Variants in LRFN5 observed in about 807,000 individuals in gnomAD.
The protein encoded by LRFN5 is leucine rich repeat and fibronectin type III domain containing 5.
In LRFN5, 24 loss-of-function variants were observed where a neutral mutation model predicts 45.6. The observed-to-expected ratio is 0.53, with a 90% CI of 0.38 to 0.74. The LOEUF (loss-of-function observed/expected upper bound fraction) is 0.74, where lower values mean the gene tolerates loss of function less well. Among genes scored for constraint, LRFN5 ranks in the 30% least tolerant of loss-of-function variants. The pLI is 0.00. For synonymous variants in LRFN5, 340 were observed against 313.8 expected (o/e 1.08, Z -0.88); for missense variants, 776 against 861.5 (o/e 0.90, Z 1.24).
intron 2 of LRFN5, among the ~76,000 whole-genome samples, chr14:41,802,224 G>A (rs545134514): frequency 1.8e-4 from 28 of 152,252 alleles, no homozygotes; most frequent in African/African-American, 6.7e-4. Context: ...CCTAAGTATA[G>A]ATGTGGGCTC....
At chr14:41,726,514 G>A (rs1239746141) in intron 1 of LRFN5, among the ~76,000 whole-genome samples, 2 of 151,962 alleles carry the variant, frequency 1.3e-5, no homozygotes, top group Non-Finnish European at 2.9e-5. Flanking sequence ...ATTTTCATAG[G>A]GGCATTATGA....
intron 1 of LRFN5, among the ~76,000 whole-genome samples, chr14:41,721,872 C>T (rs945223115): frequency 6.6e-6 from 1 of 152,032 alleles, no homozygotes; most frequent in African/African-American, 2.4e-5. Flanking sequence ...TACAGTATCT[C>T]ACAGTTCTTC....
At chr14:41,832,067 C>G (rs1412664008) in intron 2 of LRFN5, among the ~76,000 whole-genome samples, 1 of 152,236 alleles carries the variant, frequency 6.6e-6, no homozygotes. Flanking sequence ...ATTACCTCTC[C>G]AAACCCCATC....
intron 1 of LRFN5, among the ~76,000 whole-genome samples, chr14:41,705,146 G>A (rs1159783974): frequency 6.6e-6 from 1 of 151,704 alleles, no homozygotes; most frequent in East Asian, 1.9e-4. Context: ...TAATATAATT[G>A]CAAATGAGCC....
chr14:41,728,535 G>C (rs919410341), intron 1 of LRFN5, among the ~76,000 whole-genome samples: 1 of 152,130 alleles, frequency 6.6e-6, no homozygotes, highest in Admixed American at 6.6e-5. Flanking sequence ...TAAAACAAGA[G>C]TGAAAGATAC....
intron 1 of LRFN5, among the ~76,000 whole-genome samples, chr14:41,627,657 C>T (rs1202114021): frequency 1.1e-4 from 17 of 152,114 alleles, no homozygotes; most frequent in Admixed American, 1.1e-3. Context: ...ATAAAGGAAT[C>T]GACAACATGG....
chr14:41,829,541 C>G (rs1158651233), intron 2 of LRFN5, among the ~76,000 whole-genome samples: 1 of 151,628 alleles, frequency 6.6e-6, no homozygotes, highest in Non-Finnish European at 1.5e-5. Flanking sequence ...CCATATTATC[C>G]AGGTCTATTA....
chr14:41,823,661 G>T (rs1888202202), intron 2 of LRFN5, among the ~76,000 whole-genome samples: 1 of 152,122 alleles, frequency 6.6e-6, no homozygotes, highest in African/African-American at 2.4e-5. Flanking sequence ...GTAGGTTTTT[G>T]AGTTTCTTGT....
intron 1 of LRFN5, among the ~76,000 whole-genome samples, chr14:41,680,419 CAG>C (rs2138683802): frequency 6.6e-6 from 1 of 152,284 alleles, no homozygotes; most frequent in African/African-American, 2.4e-5. Flanking sequence ...TTGAGACACA[CAG>C]AGAGAATGTG....
At chr14:41,874,757 G>C (rs1332733059) in intron 2 of LRFN5, among the ~76,000 whole-genome samples, 1 of 152,076 alleles carries the variant, frequency 6.6e-6, no homozygotes, top group Non-Finnish European at 1.5e-5. Context: ...CCCAAGATTG[G>C]GTAATTTATA....
chr14:41,775,652 G>A (rs1424841820), intron 2 of LRFN5, among the ~76,000 whole-genome samples: 1 of 152,012 alleles, frequency 6.6e-6, no homozygotes, highest in East Asian at 1.9e-4. Context: ...AATACCTACT[G>A]CAGTAATGAT....
At chr14:41,694,885 G>A (rs1010681897) in intron 1 of LRFN5, among the ~76,000 whole-genome samples, 5 of 151,834 alleles carry the variant, frequency 3.3e-5, no homozygotes, top group Non-Finnish European at 7.4e-5. Context: ...GTGTTTGAAC[G>A]AGAGAAAAGT....
intron 2 of LRFN5, among the ~76,000 whole-genome samples, chr14:41,862,402 A>AG (rs1889695988): frequency 4.6e-5 from 7 of 152,180 alleles, no homozygotes; most frequent in South Asian, 4.1e-4. Context: ...TGTATATTAA[A>AG]GGGGGGTTAA....
At chr14:41,678,528 A>G (rs753241552) in intron 1 of LRFN5, among the ~76,000 whole-genome samples, 8 of 152,116 alleles carry the variant, frequency 5.3e-5, no homozygotes, top group Non-Finnish European at 8.8e-5. Context: ...GAATGATATC[A>G]TTTGCCCACT....
chr14:41,697,369 A>T (rs979414931), intron 1 of LRFN5, among the ~76,000 whole-genome samples: 2 of 151,860 alleles, frequency 1.3e-5, no homozygotes, highest in Admixed American at 6.6e-5. Context: ...ATAATCTTTT[A>T]AAAATTATTC....
chr14:41,876,543 G>C (rs748579785), intron 2 of LRFN5, among the ~76,000 whole-genome samples: 1 of 149,780 alleles, frequency 6.7e-6, no homozygotes, highest in Non-Finnish European at 1.5e-5. Flanking sequence ...TGATCCACCC[G>C]CCTTGGCCTC....
intron 1 of LRFN5, among the ~76,000 whole-genome samples, chr14:41,713,908 A>G (rs1594638975): frequency 1.3e-5 from 2 of 152,270 alleles, no homozygotes; most frequent in South Asian, 2.1e-4. Context: ...TGTGAGTTAG[A>G]AAAGAAGGTT....
At chr14:41,805,839 G>A (rs1388902716) in intron 2 of LRFN5, among the ~76,000 whole-genome samples, 1 of 152,088 alleles carries the variant, frequency 6.6e-6, no homozygotes, top group Non-Finnish European at 1.5e-5. Flanking sequence ...TCCTCAGAGT[G>A]GTTTTCTTTT....
At position 41,692,663 on chromosome 14, in the gene LRFN5, G is replaced by A. The variant is rs533822755; in HGVS notation, c.-196-74191G>A. On this transcript the variant is annotated intron_variant, in intron 1 of 5. Coordinates refer to ENST00000298119, the MANE Select transcript of LRFN5 (RefSeq NM_152447.5). Reference sequence around the variant, plus strand: ...TCCCACCTATGAGTGAGAACATGCGGTGTTTGGTTTTTTGTCCTTGCGATA... The same window carrying A: ...TCCCACCTATGAGTGAGAACATGCGATGTTTGGTTTTTTGTCCTTGCGATA... 2.6e-5 allele frequency among the ~76,000 whole-genome samples: 4 copies of A among 152,256 alleles called. No homozygotes were observed. The South Asian group carries it at 6.2e-4, about 24-fold the overall frequency.
Sources: allele counts gnomAD v4.1 joint callset (sites outside exome capture counted in the v4.1 genomes callset), GRCh38; gene constraint gnomAD v4.1.1; transcripts MANE v1.5; gene names NCBI Gene and HGNC (gene_info 2026-07-23, HGNC 2026-07-21).